The following WNK2 variants were observed in gnomAD, a reference collection of about 807,000 sequenced individuals.
WNK2 encodes the protein serine/threonine-protein kinase WNK2.
WNK2 carries 67 observed loss-of-function variants against 192.1 expected under a neutral mutation model. That is an observed-to-expected ratio of 0.35 (90% CI 0.29 to 0.43). The LOEUF (loss-of-function observed/expected upper bound fraction) is 0.43. WNK2 is among the 20% of genes least tolerant of loss of function. The probability of loss-of-function intolerance (pLI) is 1.00; values close to 1 mark genes in which losing one functional copy is unlikely to be tolerated. For missense variants in WNK2, 2,698 were observed against 3,089.7 expected (o/e 0.87, Z 3.01); for synonymous variants, 1,439 against 1,393.9 (o/e 1.03, Z -0.72).
chr9:93,282,851 T>G (rs1033724152), intron 19 of WNK2, among the ~76,000 whole-genome samples: 3 of 152,212 alleles, frequency 2.0e-5, no homozygotes, highest in Admixed American at 6.5e-5. Flanking sequence ...AAGAATGCAC[T>G]GTTTTTTCAT....
intron 2 of WNK2, among the ~76,000 whole-genome samples, chr9:93,192,325 A>AAG (rs896337732): frequency 2.2e-4 from 33 of 151,866 alleles, no homozygotes; most frequent in Non-Finnish European, 4.4e-4. Flanking sequence ...AAAAAAAAAA[A>AAG]AGAGAGAGAG....
In WNK2 at chr9:93,229,668, C is replaced by T. The variant is rs1305440542; in HGVS notation, c.682-28C>T. The T allele has an allele frequency of 6.9e-6, 11 of 1,601,728 alleles. No homozygotes were observed. The highest frequency in any genetic ancestry group is 9.4e-6 in the Non-Finnish European group (11 of 1,172,040). On this transcript the variant is annotated intron_variant, in intron 2 of 29. Transcript: ENST00000427277. The surrounding 1 kb of genome is among the most constrained non-coding windows in gnomAD (Gnocchi z 4.9). ...GTCCCCTTCTGTGTCCCATCTCTTG[C>T]CCACTTAGCATGTCTCTTGCCCTGT...
At chr9:93,289,726 C>G in intron 20 of WNK2, 106 bp downstream of exon 20, 1 of 1,181,910 alleles carries the variant, frequency 8.5e-7, no homozygotes, top group Non-Finnish European at 1.1e-6. Flanking sequence ...GCCGCCCTCA[C>G]TCAGGGCCCG....
chr9:93,211,633 C>T (rs1471663341), intron 2 of WNK2, among the ~76,000 whole-genome samples: 2 of 150,360 alleles, frequency 1.3e-5, no homozygotes, highest in Non-Finnish European at 3.0e-5. Flanking sequence ...CACCCACCCA[C>T]TCATCCACTC....
intron 21 of WNK2, among the ~76,000 whole-genome samples, chr9:93,290,715 TGG>T (rs780208054): frequency 6.6e-6 from 1 of 151,480 alleles, no homozygotes; most frequent in African/African-American, 2.4e-5. Context: ...AGCAGTGCGG[TGG>T]GGGGGGCGCT....
intron 19 of WNK2, among the ~76,000 whole-genome samples, chr9:93,282,002 A>T (rs2133607910): frequency 6.6e-6 from 1 of 152,290 alleles, no homozygotes; most frequent in East Asian, 1.9e-4. Context: ...AAGAACAATG[A>T]CTGCAGATGA....
At chr9:93,212,266 G>A (rs1834923503) in intron 2 of WNK2, among the ~76,000 whole-genome samples, 1 of 152,234 alleles carries the variant, frequency 6.6e-6, no homozygotes, top group Admixed American at 6.5e-5. Context: ...AGCAAAGCCA[G>A]CAGCCAGATG....
intron 2 of WNK2, among the ~76,000 whole-genome samples, chr9:93,219,256 C>T (rs568462248): frequency 6.6e-6 from 1 of 152,382 alleles, no homozygotes; most frequent in African/African-American, 2.4e-5. Context: ...CCAACACCCC[C>T]AGTCCCATTG....
intron 19 of WNK2, among the ~76,000 whole-genome samples, chr9:93,284,311 A>T (rs1371665922): frequency 6.6e-6 from 1 of 152,218 alleles, no homozygotes; most frequent in Non-Finnish European, 1.5e-5. Context: ...TACTAAACAA[A>T]ATAGTAGCAA....
intron 13 of WNK2, 137 bp downstream of exon 13, chr9:93,262,244 C>T (rs1844396329): frequency 1.9e-6 from 2 of 1,070,332 alleles, no homozygotes; most frequent in East Asian, 2.6e-5. Flanking sequence ...CTGTTCTCAC[C>T]TCTCCCTAGA....
intron 4 of WNK2, among the ~76,000 whole-genome samples, chr9:93,232,300 C>T (rs943406554): frequency 6.6e-6 from 1 of 152,182 alleles, no homozygotes; most frequent in African/African-American, 2.4e-5. Context: ...CACAAAGCCT[C>T]TGGCATTCTG....
intron 2 of WNK2, among the ~76,000 whole-genome samples, chr9:93,223,696 G>A (rs2131856722): frequency 6.6e-6 from 1 of 152,356 alleles, no homozygotes; most frequent in Admixed American, 6.5e-5. Flanking sequence ...TGAAAGGGCA[G>A]GCAGGAGCCT....
intron 2 of WNK2, among the ~76,000 whole-genome samples, chr9:93,188,855 G>A (rs1196137533): frequency 6.6e-6 from 1 of 152,200 alleles, no homozygotes; most frequent in African/African-American, 2.4e-5. Flanking sequence ...CAGCAACGGG[G>A]AGGTGCCTGG....
chr9:93,319,875 C>T (rs977192709), intron 29 of WNK2, among the ~76,000 whole-genome samples: 2 of 152,208 alleles, frequency 1.3e-5, no homozygotes, highest in Admixed American at 6.5e-5. Context: ...AAGACAGCCT[C>T]GAGCTGACTG....
rs1018031599 is a variant in WNK2, at chr9:93,274,743, T to C, written c.4033+5997T>C. Among the ~76,000 whole-genome samples the C allele has an allele frequency of 8.6e-4, 131 of 152,202 alleles. 1 individual carries two copies. Among genetic ancestry groups the C allele is most frequent in the Admixed American group, 6.5e-5 (1 of 15,280 alleles). ...TAATCTGAATAGCCCTGTACCTGTT[T>C]TTAAATTCATTCTTTTAATAATGAA... On this transcript the variant is annotated intron_variant, in intron 19 of 29. Transcript: ENST00000427277.
chr9:93,247,421 G>A lies in WNK2; in HGVS notation c.1543-122G>A. On this transcript the variant is annotated intron_variant, in intron 7 of 29. Transcript: ENST00000427277. The surrounding 1 kb of genome is among the most constrained non-coding windows in gnomAD (Gnocchi z 5.2). ...GTCCCCGCGGATTTTACATTCAGTG[G>A]CAGTGGGATGGCGAGCGTGTCCTGC... 2.6e-6 allele frequency: 3 copies of A among 1,159,542 alleles called. No individual in the cohort carries two copies. The highest frequency in any genetic ancestry group is 3.7e-6 in the Non-Finnish European group (3 of 810,400). 71.8% of individuals were successfully genotyped at this position (1,159,542 alleles called of 1,614,324 possible).
intron 19 of WNK2, among the ~76,000 whole-genome samples, chr9:93,278,638 T>C (rs1482140973): frequency 6.6e-6 from 1 of 152,210 alleles, no homozygotes; most frequent in Non-Finnish European, 1.5e-5. Context: ...AGAATGTTTA[T>C]AGGAATACAA....
At chr9:93,250,405 T>C (rs1056163373) in intron 8 of WNK2, among the ~76,000 whole-genome samples, 2 of 152,230 alleles carry the variant, frequency 1.3e-5, no homozygotes, top group African/African-American at 2.4e-5. Context: ...ACATGCACAC[T>C]GACATCCACA....
chr9:93,185,345 C>G lies in WNK2; in HGVS notation c.416C>G (p.Pro139Arg). 1.3e-6 allele frequency: 2 copies of G among 1,547,226 alleles called. No individual in the cohort carries two copies. Among genetic ancestry groups the G allele is most frequent in the Non-Finnish European group, 8.7e-7 (1 of 1,149,840 alleles). ...GCCGCTGTCGAAACCGCGCCTGCCCCCGACGGCGGCCCCAGGGAGGAGGCG... is the reference window on the plus strand; with the variant it reads ...GCCGCTGTCGAAACCGCGCCTGCCCGCGACGGCGGCCCCAGGGAGGAGGCG... The part of the protein sequence containing the change: ...IAAAVETAPA[P>R]DGGPREEAAA... The change falls in exon 2 of 30, where the codon CCC becomes CGC. Residue 139 changes from proline to arginine, a missense_variant. Around this residue, in one of 7 missense-constraint regions of WNK2, gnomAD observed 260 missense variants for 285.6 expected, o/e 0.91. Transcript: ENST00000427277.
Sources: gnomAD v4.1 joint callset for allele counts (sites outside exome capture counted in the v4.1 genomes callset) on GRCh38, gnomAD v4.1.1 for gene constraint, gnomAD v4.1.1 regional missense constraint, Gnocchi (gnomAD v3.1) non-coding constraint, MANE v1.5 for transcripts, NCBI Gene and HGNC (gene_info 2026-07-23, HGNC 2026-07-21) for gene names.